The following PDE1A variants were observed in gnomAD, a reference collection of about 807,000 sequenced individuals.
PDE1A encodes the protein dual specificity calcium/calmodulin-dependent 3',5'-cyclic nucleotide phosphodiesterase 1A.
A neutral mutation model predicts 61.7 loss-of-function variants in PDE1A; 35 were observed. The observed-to-expected ratio is 0.57, with a 90% CI of 0.43 to 0.75. The LOEUF is 0.75. Among genes scored for constraint, PDE1A ranks in the 30% least tolerant of loss-of-function variants. PDE1A has a pLI of 0.00. For missense variants in PDE1A, 597 were observed against 630.6 expected (o/e 0.95, Z 0.57); for synonymous variants, 232 against 213.2 (o/e 1.09, Z -0.77).
upstream of PDE1A, among the ~76,000 whole-genome samples, chr2:182,432,019 G>C (rs143696678): frequency 6.6e-6 from 1 of 152,038 alleles, no homozygotes; most frequent in East Asian, 1.9e-4. Flanking sequence ...ATTATCTCCT[G>C]CTAAGATATG....
the PDE1A span, among the ~76,000 whole-genome samples, chr2:182,564,109 G>T: frequency 6.6e-6 from 1 of 152,138 alleles, no homozygotes; most frequent in Non-Finnish European, 1.5e-5. Flanking sequence ...GATGTTAGCT[G>T]GTTATTTTGC....
intron 2 of PDE1A, among the ~76,000 whole-genome samples, chr2:182,254,831 G>A (rs1691659443): frequency 6.6e-6 from 1 of 152,094 alleles, no homozygotes; most frequent in African/African-American, 2.4e-5. Flanking sequence ...TGTGGTTTGA[G>A]AAAGCACTTT....
chr2:182,706,452 T>C, the PDE1A span, among the ~76,000 whole-genome samples: 1 of 152,126 alleles, frequency 6.6e-6, no homozygotes, highest in Non-Finnish European at 1.5e-5. Flanking sequence ...TAAATTCCTT[T>C]AGGTCTAAAA....
At chr2:182,580,076 C>G in the PDE1A span, among the ~76,000 whole-genome samples, 6 of 152,214 alleles carry the variant, frequency 3.9e-5, no homozygotes, top group Admixed American at 2.6e-4. Flanking sequence ...AATAAACACA[C>G]AAATTAATCA....
At chr2:182,422,744 A>G (rs1037153740) in intron 1 of PDE1A, among the ~76,000 whole-genome samples, 1 of 152,202 alleles carries the variant, frequency 6.6e-6, no homozygotes, top group African/African-American at 2.4e-5. Context: ...TACCAGAGAT[A>G]AAGATCTCTG....
At chr2:182,563,895 T>C in the PDE1A span, among the ~76,000 whole-genome samples, 1 of 152,214 alleles carries the variant, frequency 6.6e-6, no homozygotes, top group Non-Finnish European at 1.5e-5. Flanking sequence ...TTTTTTGTTT[T>C]CCATTTGCTT....
At chr2:182,581,283 T>A in the PDE1A span, among the ~76,000 whole-genome samples, 23 of 152,282 alleles carry the variant, frequency 1.5e-4, no homozygotes, top group Admixed American at 1.4e-3. Context: ...TCTCACAGGT[T>A]TAATTCTTCA....
At chr2:182,150,373 G>A (rs1244943210) in intron 13 of PDE1A, among the ~76,000 whole-genome samples, 1 of 152,048 alleles carries the variant, frequency 6.6e-6, no homozygotes, top group Admixed American at 6.5e-5. Context: ...ATAACCTGAA[G>A]TCAAGACGGT....
intron 13 of PDE1A, among the ~76,000 whole-genome samples, chr2:182,157,200 A>G (rs1247330202): frequency 2.6e-5 from 4 of 151,842 alleles, no homozygotes. Flanking sequence ...TTTTTAGTAG[A>G]GACAGGATTT....
chr2:182,679,902 G>T, the PDE1A span, among the ~76,000 whole-genome samples: 8 of 152,300 alleles, frequency 5.3e-5, no homozygotes, highest in South Asian at 1.5e-3. Flanking sequence ...ATGGTGGGTA[G>T]GGGGAAGATG....
intron 1 of PDE1A, among the ~76,000 whole-genome samples, chr2:182,359,301 T>C (rs1699370086): frequency 6.6e-6 from 1 of 152,190 alleles, no homozygotes; most frequent in East Asian, 1.9e-4. Flanking sequence ...ACTTAGTGGA[T>C]AGTCTCTTAA....
rs959192966 is a variant in PDE1A at position 182,219,620 on chromosome 2, C to T, written c.776+4244G>A. On this transcript the variant is annotated intron_variant, in intron 7 of 13. Transcript: ENST00000351439. Reference sequence around the variant, plus strand: ...CGAGGCTTCTCTCACTCTCCTATCTCCTGGTAGATACTTAATGCTGTCAAG... The same window carrying T: ...CGAGGCTTCTCTCACTCTCCTATCTTCTGGTAGATACTTAATGCTGTCAAG... 4.6e-5 allele frequency among the ~76,000 whole-genome samples: 7 copies of T among 152,238 alleles called. No individual in the cohort carries two copies. The East Asian group carries it at 1.2e-3, about 25-fold the overall frequency.
chr2:182,185,929 C>T (rs1314720601), exon 13 of PDE1A: 1 of 1,614,040 alleles, frequency 6.2e-7, no homozygotes, highest in Admixed American at 1.7e-5. Context: ...CTTTGTTCTG[C>T]TGAATGATGT....
the PDE1A span, among the ~76,000 whole-genome samples, chr2:182,657,227 A>G: frequency 6.6e-6 from 1 of 152,190 alleles, no homozygotes; most frequent in Non-Finnish European, 1.5e-5. Context: ...GTCTCAAAAA[A>G]AACCCAAAAC....
chr2:182,409,262 A>G (rs1258901478), intron 1 of PDE1A, among the ~76,000 whole-genome samples: 1 of 152,234 alleles, frequency 6.6e-6, no homozygotes, highest in African/African-American at 2.4e-5. Context: ...GACTGTGAAT[A>G]GCCTGCTAGA....
chr2:182,160,887 T>C (rs1247639142), intron 13 of PDE1A, among the ~76,000 whole-genome samples: 2 of 152,196 alleles, frequency 1.3e-5, no homozygotes, highest in African/African-American at 2.4e-5. Flanking sequence ...ATTTCCTTAA[T>C]TGGTTTTGGG....
At chr2:182,320,696 G>A (rs561314987) in intron 1 of PDE1A, among the ~76,000 whole-genome samples, 71 of 152,160 alleles carry the variant, frequency 4.7e-4, no homozygotes, top group African/African-American at 1.6e-3. Flanking sequence ...TCCAATGTTC[G>A]TAGCTAACTT....
the PDE1A span, among the ~76,000 whole-genome samples, chr2:182,700,080 C>T: frequency 6.6e-6 from 1 of 152,184 alleles, no homozygotes; most frequent in Non-Finnish European, 1.5e-5. Context: ...TGAGGAAAAC[C>T]ACTTTCTCAT....
Position 182,414,724 on chromosome 2 carries a change from T to C in PDE1A, c.53+11854A>G, listed in dbSNP as rs115200822. Among the ~76,000 whole-genome samples the C allele has an allele frequency of 9.7e-3, 1,473 of 152,228 alleles. 24 individuals carry two copies. The highest frequency in any genetic ancestry group is 0.033 in the African/African-American group (1,389 of 41,540). On this transcript the variant is annotated intron_variant, in intron 1 of 13. Transcript: ENST00000351439. ...GTCCTTCATTAGCTCAGTGTTGACA[T>C]TGCTTCCATTAAATGGATGAGTGAG...
Sources: allele counts gnomAD v4.1 joint callset (sites outside exome capture counted in the v4.1 genomes callset), GRCh38; gene constraint gnomAD v4.1.1; transcripts MANE v1.5; gene names NCBI Gene and HGNC (gene_info 2026-07-23, HGNC 2026-07-21).